Variants in KCNQ5 observed in about 807,000 individuals in gnomAD.
The protein encoded by KCNQ5 is potassium voltage-gated channel subfamily KQT member 5.
A neutral mutation model predicts 98.2 loss-of-function variants in KCNQ5; 30 were observed. That is an observed-to-expected ratio of 0.31 (90% CI 0.23 to 0.41). The LOEUF is 0.41. Ranked by LOEUF, KCNQ5 falls within the 10% of genes least tolerant of loss-of-function variation. The pLI is 1.00. For missense variants in KCNQ5, 835 were observed against 1,182.5 expected (o/e 0.71, Z 4.31); for synonymous variants, 458 against 449.4 (o/e 1.02, Z -0.24).
intron 1 of KCNQ5, among the ~76,000 whole-genome samples, chr6:72,645,104 C>G (rs1258625677): frequency 6.7e-6 from 1 of 149,892 alleles, no homozygotes; most frequent in Non-Finnish European, 1.5e-5. Context: ...CACAGTGGCT[C>G]ATGCCTGTAA....
rs903753560 is a variant in KCNQ5 at position 72,622,165 on chromosome 6, C to A, written c.-25C>A. On this transcript the variant is annotated 5_prime_UTR_variant, in exon 1 of 14. Transcript: ENST00000370398. The surrounding 1 kb of genome is among the most constrained non-coding windows in gnomAD (Gnocchi z 6.0). ...GCCCCCGCCGCAGGCGCTGGCGGCC[C>A]CCTCGCGGTGCCCGTGGTGATGCCA... 2.5e-6 allele frequency: 3 copies of A among 1,218,312 alleles called. No individual in the cohort carries two copies. The highest frequency in any genetic ancestry group is 3.1e-5 in the African/African-American group (2 of 63,772). 75.5% of individuals were successfully genotyped at this position (1,218,312 alleles called of 1,614,324 possible). A position where few individuals can be genotyped will look rare whatever the true frequency, so the allele number is the denominator to read the frequency against.
intron 6 of KCNQ5, among the ~76,000 whole-genome samples, chr6:73,110,556 T>TA: frequency 6.6e-6 from 1 of 152,006 alleles, no homozygotes; most frequent in East Asian, 1.9e-4. Flanking sequence ...TGAGCCAAAA[T>TA]AAAAAAGGCA....
intron 11 of KCNQ5, among the ~76,000 whole-genome samples, chr6:73,187,350 C>T (rs1204910547): frequency 2.6e-5 from 4 of 152,214 alleles, no homozygotes; most frequent in African/African-American, 7.2e-5. Context: ...TGAGCCACCA[C>T]GCCCGGCCTA....
intron 1 of KCNQ5, among the ~76,000 whole-genome samples, chr6:72,866,024 C>T (rs1191687905): frequency 1.3e-5 from 2 of 152,074 alleles, no homozygotes; most frequent in African/African-American, 4.8e-5. Context: ...CTCAATTAAC[C>T]CCACAGTACT....
At chr6:72,631,564 A>C (rs1011600584) in intron 1 of KCNQ5, among the ~76,000 whole-genome samples, 3 of 152,376 alleles carry the variant, frequency 2.0e-5, no homozygotes, top group African/African-American at 7.2e-5. Flanking sequence ...AAGATCCATC[A>C]GAAATTACCA....
At chr6:73,075,927 C>A (rs1172114722) in intron 3 of KCNQ5, among the ~76,000 whole-genome samples, 22 of 152,152 alleles carry the variant, frequency 1.4e-4, no homozygotes, top group Admixed American at 1.4e-3. Flanking sequence ...TGCCTGTAGT[C>A]CTAGCTCCTT....
intron 1 of KCNQ5, among the ~76,000 whole-genome samples, chr6:72,751,336 A>G (rs1263515452): frequency 6.6e-6 from 1 of 152,030 alleles, no homozygotes; most frequent in Admixed American, 6.6e-5. Context: ...ATATAAGAAA[A>G]TAAGAGATGA....
At chr6:72,882,936 A>C (rs1157802711) in intron 1 of KCNQ5, among the ~76,000 whole-genome samples, 1 of 152,200 alleles carries the variant, frequency 6.6e-6, no homozygotes, top group Non-Finnish European at 1.5e-5. Flanking sequence ...TCATGTGGGA[A>C]AAATAGATCA....
rs1554203585 is a variant in KCNQ5 at position 73,063,721 on chromosome 6, T to TAGATAGATAGATGATA, written c.617-13601_617-13600insAGATAGATAGATGATA. Among the ~76,000 whole-genome samples the TAGATAGATAGATGATA allele has an allele frequency of 8.6e-3, 822 of 95,896 alleles. 7 individuals are homozygous for TAGATAGATAGATGATA. The highest frequency in any genetic ancestry group is 0.02 in the Middle Eastern group (4 of 200). 62.9% of individuals were successfully genotyped at this position (95,896 alleles called of 152,430 possible). ...ATAGATAGATAGATAGATAGATAGATGATAGATAGATAGATAGATAGATAG... is the reference window on the plus strand; with the variant it reads ...ATAGATAGATAGATAGATAGATAGATAGATAGATAGATGATAGATAGATAGATAGATAGATAGATAG... On this transcript the variant is annotated intron_variant, in intron 3 of 13. Coordinates refer to ENST00000370398, the MANE Select transcript of KCNQ5 (RefSeq NM_019842.4).
chr6:72,642,767 C>G (rs1765389709), intron 1 of KCNQ5, among the ~76,000 whole-genome samples: 1 of 152,028 alleles, frequency 6.6e-6, no homozygotes. Context: ...GATATGTACC[C>G]AAAGGAATAT....
rs1562217872 is a variant in KCNQ5, at chr6:73,169,756, C to T, written c.1479C>T (p.Ala493=). Residue 493 remains alanine, a synonymous_variant, in exon 11 of 14, where the codon GCC becomes GCT. Coordinates refer to ENST00000370398, the MANE Select transcript of KCNQ5 (RefSeq NM_019842.4). ...QPKPVIDADT[A]LGTDDVYDEK... ...AATATTCTCTTGCAGCTGACACAGCCCTTGGCACTGATGATGTATATGATG... is the reference window on the plus strand; with the variant it reads ...AATATTCTCTTGCAGCTGACACAGCTCTTGGCACTGATGATGTATATGATG... 2 of 1,611,734 alleles carry T rather than the reference C, an allele frequency of 1.2e-6. No homozygotes were observed. The highest frequency in any genetic ancestry group is 8.5e-7 in the Non-Finnish European group (1 of 1,177,894).
At chr6:72,753,440 C>T (rs1305646330) in intron 1 of KCNQ5, among the ~76,000 whole-genome samples, 2 of 151,870 alleles carry the variant, frequency 1.3e-5, no homozygotes, top group Admixed American at 6.6e-5. Flanking sequence ...AGGGACTTTA[C>T]TTGGATAAAT....
At chr6:72,836,394 G>T (rs1776502029) in intron 1 of KCNQ5, among the ~76,000 whole-genome samples, 2 of 152,054 alleles carry the variant, frequency 1.3e-5, no homozygotes, top group Admixed American at 6.6e-5. Context: ...ATTTATTAGA[G>T]CAAAACTGGA....
intron 1 of KCNQ5, among the ~76,000 whole-genome samples, chr6:72,929,499 C>G (rs770657289): frequency 6.6e-6 from 1 of 152,128 alleles, no homozygotes; most frequent in Non-Finnish European, 1.5e-5. Context: ...TTTGGAATTG[C>G]AGAACCAACT....
intron 1 of KCNQ5, among the ~76,000 whole-genome samples, chr6:72,922,084 G>A (rs1354475937): frequency 2.0e-5 from 3 of 152,108 alleles, no homozygotes; most frequent in Non-Finnish European, 4.4e-5. Context: ...GATATCAGAG[G>A]TACTATCCCC....
rs577720140 is a variant in KCNQ5 at position 72,811,377 on chromosome 6, T to G, written c.398+188790T>G. Among the ~76,000 whole-genome samples the G allele has an allele frequency of 4.7e-4, 71 of 152,334 alleles. 1 individual carries two copies. Among genetic ancestry groups the G allele is most frequent in the Admixed American group, 5.9e-4 (9 of 15,298 alleles). On this transcript the variant is annotated intron_variant, in intron 1 of 13. Coordinates refer to ENST00000370398, the MANE Select transcript of KCNQ5 (RefSeq NM_019842.4). ...ATTCTGAATTCTAGAGAGTAAATTA[T>G]GAAGGTTCATTTGAATGTCATCTGC...
intron 1 of KCNQ5, among the ~76,000 whole-genome samples, chr6:72,942,245 T>C (rs2150242783): frequency 6.6e-6 from 1 of 152,352 alleles, no homozygotes; most frequent in South Asian, 2.1e-4. Flanking sequence ...AGAGTTTATT[T>C]TCCATTTACA....
At chr6:72,727,614 C>T (rs772933882) in intron 1 of KCNQ5, among the ~76,000 whole-genome samples, 6 of 152,104 alleles carry the variant, frequency 3.9e-5, no homozygotes, top group African/African-American at 7.2e-5. Context: ...AACTGGTACT[C>T]CTTCAGTAAT....
intron 1 of KCNQ5, among the ~76,000 whole-genome samples, chr6:72,838,230 T>C (rs1776601465): frequency 6.6e-6 from 1 of 151,646 alleles, no homozygotes; most frequent in South Asian, 2.1e-4. Context: ...CAGTAGCTCT[T>C]TTCCTATGGA....
Sources: allele counts gnomAD v4.1 joint callset (sites outside exome capture counted in the v4.1 genomes callset), GRCh38; gene constraint gnomAD v4.1.1; non-coding constraint Gnocchi (gnomAD v3.1); transcripts MANE v1.5; gene names NCBI Gene and HGNC (gene_info 2026-07-23, HGNC 2026-07-21).